Variants in HMGN3 observed in about 807,000 individuals in gnomAD.
HMGN3 encodes high mobility group nucleosomal binding domain 3.
HMGN3 carries 6 observed loss-of-function variants against 18.8 expected under a neutral mutation model. That is an observed-to-expected ratio of 0.32 (90% CI 0.18 to 0.63). The LOEUF is 0.63. Ranked by LOEUF, HMGN3 falls within the 30% of genes least tolerant of loss-of-function variation. The pLI is 0.79. For missense variants in HMGN3, 107 were observed against 114.2 expected, an observed-to-expected ratio of 0.94 and a Z score of 0.29; for synonymous variants, 40 against 36.5, an observed-to-expected ratio of 1.10 and a Z score of -0.35.
chr6:79,221,876 C>CTTCATTGGTACATGTAGTACCAA (rs138425704), intron 1 of HMGN3, among the ~76,000 whole-genome samples: 60,962 of 148,670 alleles, frequency 0.41, 13,685 homozygotes, highest in East Asian at 0.77. Flanking sequence ...TCCAAAAAAC[C>CTTCATTGGTACATGTAGTACCAA]TTCATTGGTA....
intron 1 of HMGN3, among the ~76,000 whole-genome samples, chr6:79,222,784 G>A (rs946305406): frequency 2.0e-5 from 3 of 152,070 alleles, no homozygotes; most frequent in African/African-American, 7.2e-5. Context: ...AATTCCAACA[G>A]GTGACTTCTA....
chr6:79,214,885 C>T (rs1286939512), intron 2 of HMGN3, 87 bp downstream of exon 2: 17 of 775,866 alleles, frequency 2.2e-5, no homozygotes, highest in Middle Eastern at 2.9e-4. Flanking sequence ...TACAATTGTC[C>T]GCATTTCATT....
Position 79,214,964 on chromosome 6 carries a change from A to C in HMGN3, c.66+8T>G. The C allele has an allele frequency of 7.1e-7, 1 of 1,416,632 alleles. No homozygotes were observed. Among genetic ancestry groups the C allele is most frequent in the Non-Finnish European group, 9.8e-7 (1 of 1,016,916 alleles). The allele number at this position is 1,416,632 out of a possible 1,614,324, so 87.8% of individuals were successfully genotyped here. On this transcript the variant is annotated splice_region_variant and intron_variant, in intron 2 of 5. Transcript: ENST00000344726. ...TAATTAAATATAGGATGTCAAAGAT[A>C]TACTTACCTCCTGTTTAGTTACTTT...
At chr6:79,220,092 G>A (rs554150421) in intron 1 of HMGN3, among the ~76,000 whole-genome samples, 1 of 152,226 alleles carries the variant, frequency 6.6e-6, no homozygotes, top group South Asian at 2.1e-4. Flanking sequence ...ATAGAAGTGG[G>A]GTCGGTAGAT....
rs888944061 is a variant in HMGN3, at chr6:79,234,667, G to A, written c.-107C>T. 2.0e-5 allele frequency: 23 copies of A among 1,134,424 alleles called. No individual in the cohort carries two copies. The South Asian group carries it at 2.9e-4, about 14-fold the overall frequency. The allele number at this position is 1,134,424 out of a possible 1,614,324, so 70.3% of individuals were successfully genotyped here. A position where few individuals can be genotyped will look rare whatever the true frequency, so the allele number is the denominator to read the frequency against. ...CAGCTGCTCACGCGCAGGGCACGAC[G>A]TAGCCCGGCCTCTTCGACCTGCACC... On this transcript the variant is annotated 5_prime_UTR_variant, in exon 1 of 6. It adds an upstream start codon to the 5' untranslated region. Transcript: ENST00000344726.
intron 3 of HMGN3, among the ~76,000 whole-genome samples, chr6:79,205,088 G>A (rs563776848): frequency 1.1e-4 from 17 of 152,076 alleles, no homozygotes; most frequent in African/African-American, 3.6e-4. Context: ...GCTCTGTTTC[G>A]GTAGCACAGG....
chr6:79,203,376 C>T (rs991455356), intron 4 of HMGN3, among the ~76,000 whole-genome samples: 2 of 152,192 alleles, frequency 1.3e-5, no homozygotes, highest in Non-Finnish European at 2.9e-5. Context: ...ACATCTCTGA[C>T]TTCCCGTGCC....
intron 1 of HMGN3, among the ~76,000 whole-genome samples, chr6:79,228,598 A>C (rs1777675959): frequency 6.6e-6 from 1 of 152,254 alleles, no homozygotes; most frequent in Non-Finnish European, 1.5e-5. Context: ...GTGATTCTAA[A>C]ATTTACATGA....
At chr6:79,206,746 C>G (rs954419046) in intron 3 of HMGN3, among the ~76,000 whole-genome samples, 2 of 152,186 alleles carry the variant, frequency 1.3e-5, no homozygotes, top group Non-Finnish European at 2.9e-5. Context: ...ATGGTAGATT[C>G]ACTGTCAGTT....
At chr6:79,218,904 T>C (rs147992905) in intron 1 of HMGN3, among the ~76,000 whole-genome samples, 1 of 152,220 alleles carries the variant, frequency 6.6e-6, no homozygotes, top group East Asian at 1.9e-4. Flanking sequence ...CCAGACACAG[T>C]AGGAACTGCC....
chr6:79,202,112 C>A lies in HMGN3; in HGVS notation c.261+164G>T, dbSNP rs1313516295. ...TACTGACAGTGTGCTGGGTGGGGTG[C>A]CTCTGGAGGTTGAGACATTAACAGT... is the stretch of plus-strand genomic sequence containing the variant. On this transcript the variant is annotated intron_variant, in intron 5 of 5. Transcript: ENST00000344726. The A allele has an allele frequency of 3.9e-6, 6 of 1,542,842 alleles. No individual in the cohort carries two copies. The South Asian group carries it at 7.1e-5, about 18-fold the overall frequency.
intron 1 of HMGN3, among the ~76,000 whole-genome samples, chr6:79,233,272 T>C (rs1180021968): frequency 6.6e-6 from 1 of 152,242 alleles, no homozygotes; most frequent in Non-Finnish European, 1.5e-5. Flanking sequence ...ACACAGTATG[T>C]GCACAACAAA....
chr6:79,207,289 C>T (rs1215225963), intron 3 of HMGN3, among the ~76,000 whole-genome samples: 2 of 152,108 alleles, frequency 1.3e-5, no homozygotes, highest in Non-Finnish European at 2.9e-5. Context: ...AATTATAACT[C>T]CCACAGTTCC....
In HMGN3 at chr6:79,211,011, C is replaced by CAAAAAAAAA. The variant is rs59749044; in HGVS notation, c.67-2444_67-2436dup. Among the ~76,000 whole-genome samples the CAAAAAAAAA allele has an allele frequency of 2.2e-5, 2 of 89,746 alleles. 1 individual carries two copies. The highest frequency in any genetic ancestry group is 4.2e-5 in the Non-Finnish European group (2 of 47,250). The allele number at this position is 89,746 out of a possible 152,430, so 58.9% of individuals were successfully genotyped here. On this transcript the variant is annotated intron_variant, in intron 2 of 5. Transcript: ENST00000344726. ...AAATAAAAAGCCTCGGAAATTAATG[C>CAAAAAAAAA]AAAAAAAAAAAAAAAAAAAAAATGC...
chr6:79,216,703 T>C lies in HMGN3; in HGVS notation c.16-1681A>G, dbSNP rs142761674. ...AGGAATATTTCGTTTATAGATCTTG[T>C]GTTAATCAGTCAGTTGTGGTAGAGA... On this transcript the variant is annotated intron_variant, in intron 1 of 5. Transcript: ENST00000344726. 5.6e-3 allele frequency among the ~76,000 whole-genome samples: 860 copies of C among 152,358 alleles called. 4 individuals are homozygous for C. The highest frequency in any genetic ancestry group is 0.014 in the Middle Eastern group (4 of 294).
At chr6:79,218,405 A>C (rs1777102923) in intron 1 of HMGN3, among the ~76,000 whole-genome samples, 1 of 152,188 alleles carries the variant, frequency 6.6e-6, no homozygotes, top group South Asian at 2.1e-4. Flanking sequence ...AATTAATTAA[A>C]AAGTAGAAAC....
intron 1 of HMGN3, among the ~76,000 whole-genome samples, chr6:79,229,288 C>A (rs1777720579): frequency 6.6e-6 from 1 of 152,036 alleles, no homozygotes; most frequent in African/African-American, 2.4e-5. Flanking sequence ...GAGAATATAT[C>A]TACGAATCAT....
At chr6:79,214,778 C>T (rs773662345) in intron 2 of HMGN3, among the ~76,000 whole-genome samples, 194 bp downstream of exon 2, 1 of 152,204 alleles carries the variant, frequency 6.6e-6, no homozygotes, top group Admixed American at 6.5e-5. Context: ...ATATACCCAA[C>T]TGAAACACAC....
chr6:79,220,720 T>C (rs1298198589), intron 1 of HMGN3, among the ~76,000 whole-genome samples: 1 of 152,178 alleles, frequency 6.6e-6, no homozygotes, highest in East Asian at 1.9e-4. Flanking sequence ...GTGTTGAGAT[T>C]ACAGGTGTGA....
Sources: gnomAD v4.1 joint callset for allele counts (sites outside exome capture counted in the v4.1 genomes callset) on GRCh38, gnomAD v4.1.1 for gene constraint, MANE v1.5 for transcripts, NCBI Gene and HGNC (gene_info 2026-07-23, HGNC 2026-07-21) for gene names.